DUSP16: variants seen among roughly 807,000 people sequenced by gnomAD.
DUSP16 encodes dual specificity phosphatase 16.
A neutral mutation model predicts 58.3 loss-of-function variants in DUSP16; 21 were observed. The observed-to-expected ratio is 0.36, with a 90% CI of 0.26 to 0.52. DUSP16 has a LOEUF of 0.52. Ranked by LOEUF, DUSP16 falls within the 20% of genes least tolerant of loss-of-function variation. The probability of loss-of-function intolerance (pLI) is 0.94; values close to 1 mark genes in which losing one functional copy is unlikely to be tolerated. For missense variants in DUSP16, 726 were observed against 819.0 expected, an observed-to-expected ratio of 0.89 and a Z score of 1.39; for synonymous variants, 320 against 323.8, an observed-to-expected ratio of 0.99 and a Z score of 0.12.
intron 1 of DUSP16, among the ~76,000 whole-genome samples, chr12:12,529,945 C>T (rs112941059): frequency 4.6e-5 from 7 of 152,258 alleles, no homozygotes; most frequent in South Asian, 2.1e-4. Flanking sequence ...TTTTGATAGA[C>T]GCTTAGGTTG....
rs535612392 is a variant in DUSP16 at position 12,528,001 on chromosome 12, C to A, written c.-365-6538G>T. ...AGGCCAGCCCAGGCAGAGGCCAAATCTGTGAGAAGCCTTCACCAAAGTTTC... is the reference window on the plus strand; with the variant it reads ...AGGCCAGCCCAGGCAGAGGCCAAATATGTGAGAAGCCTTCACCAAAGTTTC... On this transcript the variant is annotated intron_variant, in intron 1 of 6. Transcript: ENST00000298573. Among the ~76,000 whole-genome samples, 4 of 152,358 alleles carry A rather than the reference C, an allele frequency of 2.6e-5. No individual in the cohort carries two copies. The South Asian group carries it at 8.3e-4, about 32-fold the overall frequency.
intron 3 of DUSP16, among the ~76,000 whole-genome samples, chr12:12,513,530 A>G (rs896065280): frequency 6.6e-6 from 1 of 152,168 alleles, no homozygotes; most frequent in Non-Finnish European, 1.5e-5. Context: ...AGAGCTTGGG[A>G]GAGTCACTCA....
chr12:12,507,078 C>T (rs1944008987), intron 3 of DUSP16, among the ~76,000 whole-genome samples: 1 of 152,144 alleles, frequency 6.6e-6, no homozygotes, highest in African/African-American at 2.4e-5. Context: ...AAATAAAATA[C>T]ATATAACAAC....
At chr12:12,513,844 C>T (rs1944111360) in intron 3 of DUSP16, among the ~76,000 whole-genome samples, 1 of 152,106 alleles carries the variant, frequency 6.6e-6, no homozygotes, top group African/African-American at 2.4e-5. Context: ...AATAGTTTTC[C>T]TTTTTTTCAC....
chr12:12,529,273 G>A (rs1401066869), intron 1 of DUSP16, among the ~76,000 whole-genome samples: 1 of 152,002 alleles, frequency 6.6e-6, no homozygotes, highest in African/African-American at 2.4e-5. Flanking sequence ...CACCACACCT[G>A]GCTAATTTTT....
At chr12:12,490,106 CAG>C (rs1432953158) in intron 4 of DUSP16, among the ~76,000 whole-genome samples, 1 of 152,152 alleles carries the variant, frequency 6.6e-6, no homozygotes, top group African/African-American at 2.4e-5. Context: ...TTTGTAGAGA[CAG>C]GGTCTCGCTG....
chr12:12,549,841 T>C (rs952503431), intron 1 of DUSP16, among the ~76,000 whole-genome samples: 5 of 152,152 alleles, frequency 3.3e-5, no homozygotes, highest in African/African-American at 1.2e-4. Flanking sequence ...TCACTGACTC[T>C]TCCCTTCTGT....
At position 12,549,604 on chromosome 12, in the gene DUSP16, C is replaced by T. The variant is rs943882959; in HGVS notation, c.-366+12513G>A. On this transcript the variant is annotated intron_variant, in intron 1 of 6. Transcript: ENST00000298573. ...AAAGAAAAAAATAACAGTCTCCCCA[C>T]CTGGATGAAACAAATGACTGCCAAG... Among the ~76,000 whole-genome samples, 63 of 152,160 alleles carry T rather than the reference C, an allele frequency of 4.1e-4. 5 individuals are homozygous for T. Among genetic ancestry groups the T allele is most frequent in the Non-Finnish European group, 5.9e-5 (4 of 68,030 alleles).
At position 12,477,646 on chromosome 12, in the gene DUSP16, C is replaced by T. The variant is rs756589989; in HGVS notation, c.1185G>A (p.Lys395=). 3.7e-6 allele frequency: 6 copies of T among 1,614,082 alleles called. No individual in the cohort carries two copies. Among genetic ancestry groups the T allele is most frequent in the Non-Finnish European group, 5.1e-6 (6 of 1,180,040 alleles). ...LSADRLEDSN[K]LKRSFSLDIK... Reference sequence around the variant, plus strand: ...TATCCAGAGAGAAGGAACGCTTGAGCTTATTGCTGTCTTCCAGCCTGTCTG... The same window carrying T: ...TATCCAGAGAGAAGGAACGCTTGAGTTTATTGCTGTCTTCCAGCCTGTCTG... The change falls in exon 7 of 7, where the codon AAG becomes AAA. Residue 395 remains lysine (K), a synonymous_variant. Transcript: ENST00000298573. The surrounding 1 kb of genome is among the most constrained non-coding windows in gnomAD (Gnocchi z 4.1).
chr12:12,477,080 C>T lies in DUSP16; in HGVS notation c.1751G>A (p.Cys584Tyr). The T allele has an allele frequency of 6.2e-7, 1 of 1,614,244 alleles. No individual in the cohort carries two copies. Among genetic ancestry groups the T allele is most frequent in the Non-Finnish European group, 8.5e-7 (1 of 1,180,050 alleles). ...GTCTCCGCAAGTGGGCAGCTGGCTGCAGCTGTAGGCAGAGTAACTGGCACT... is the reference window on the plus strand; with the variant it reads ...GTCTCCGCAAGTGGGCAGCTGGCTGTAGCTGTAGGCAGAGTAACTGGCACT... ...GGSASYSAYS[C>Y]SQLPTCGDQV... The change falls in exon 7 of 7, where the codon TGC (cysteine) becomes TAC (tyrosine). Residue 584 changes from cysteine to tyrosine, a missense_variant. Cys to Tyr is a radical substitution (Grantham distance 194, BLOSUM62 -2). Coordinates refer to ENST00000298573, the MANE Select transcript of DUSP16 (RefSeq NM_030640.3). This position sits in a 1 kb window ranked among gnomAD's most constrained non-coding sequence, Gnocchi z 4.1.
Position 12,516,403 on chromosome 12 carries a change from AATTTAC to A in DUSP16, c.367+3453_367+3458del, listed in dbSNP as rs1944154738. ...TTATTTACTAATGACTAGAGCAATC[AATTTAC>A]ATTTACATTTTTAAAAATACAATAA... On this transcript the variant is annotated intron_variant, in intron 3 of 6. Coordinates refer to ENST00000298573, the MANE Select transcript of DUSP16 (RefSeq NM_030640.3). Among the ~76,000 whole-genome samples the A allele has an allele frequency of 2.0e-5, 3 of 152,344 alleles. No homozygotes were observed. In the South Asian group the frequency reaches 6.2e-4, roughly 32 times the overall value.
chr12:12,539,712 G>T (rs1382701476), intron 1 of DUSP16, among the ~76,000 whole-genome samples: 2 of 149,722 alleles, frequency 1.3e-5, no homozygotes, highest in Non-Finnish European at 3.0e-5. Flanking sequence ...TTAAATAAAG[G>T]ACGTCACCAC....
chr12:12,555,563 A>G (rs74947488), intron 1 of DUSP16, among the ~76,000 whole-genome samples: 6 of 152,334 alleles, frequency 3.9e-5, no homozygotes, highest in South Asian at 2.1e-4. Flanking sequence ...GATATATTAA[A>G]TATTAATTAT....
Position 12,520,015 on chromosome 12 carries a change from T to A in DUSP16, c.229-15A>T. 6.2e-7 allele frequency: 1 copy of A among 1,613,946 alleles called. No homozygotes were observed. Among genetic ancestry groups the A allele is most frequent in the Non-Finnish European group, 8.5e-7 (1 of 1,179,880 alleles). ...TCAATGTCAACCTGAAATGCAAACA[T>A]GAGGCTTGTTAGGAAGAAGGTGAGA... is the stretch of plus-strand genomic sequence containing the variant. On this transcript the variant is annotated splice_polypyrimidine_tract_variant and intron_variant, in intron 2 of 6. Transcript: ENST00000298573.
chr12:12,491,441 T>A (rs1298299276), intron 4 of DUSP16: 1 of 152,198 alleles, frequency 6.6e-6, no homozygotes, highest in African/African-American at 2.4e-5. Context: ...TTGCTTTTAT[T>A]TATAGATACG....
At chr12:12,512,544 T>C (rs1237484041) in intron 3 of DUSP16, among the ~76,000 whole-genome samples, 1 of 152,218 alleles carries the variant, frequency 6.6e-6, no homozygotes, top group East Asian at 1.9e-4. Context: ...TTGACTCTTT[T>C]AGATCCACAT....
At chr12:12,502,074 A>C (rs1026160496) in intron 3 of DUSP16, among the ~76,000 whole-genome samples, 1 of 152,244 alleles carries the variant, frequency 6.6e-6, no homozygotes, top group Non-Finnish European at 1.5e-5. Context: ...AGCCTTGAAC[A>C]AGATCCTGAA....
At chr12:12,549,491 A>G (rs906154153) in intron 1 of DUSP16, among the ~76,000 whole-genome samples, 3 of 152,052 alleles carry the variant, frequency 2.0e-5, no homozygotes, top group African/African-American at 7.2e-5. Context: ...CATTTTGCCT[A>G]TAGCTATTTC....
intron 5 of DUSP16, among the ~76,000 whole-genome samples, chr12:12,482,979 CT>C (rs1383442735): frequency 6.6e-6 from 1 of 152,178 alleles, no homozygotes; most frequent in East Asian, 1.9e-4. Context: ...TCCCAAAGTG[CT>C]GTGATTGATT....
Sources: gnomAD v4.1 joint callset for allele counts (sites outside exome capture counted in the v4.1 genomes callset) on GRCh38, gnomAD v4.1.1 for gene constraint, Gnocchi (gnomAD v3.1) non-coding constraint, MANE v1.5 for transcripts, NCBI Gene and HGNC (gene_info 2026-07-23, HGNC 2026-07-21) for gene names.